Variants in SHROOM3 observed in about 807,000 individuals in gnomAD.
The protein encoded by SHROOM3 is protein Shroom3.
In SHROOM3, 47 loss-of-function variants were observed where a neutral mutation model predicts 138.6. The ratio of observed to expected loss-of-function variants is 0.34; its 90% confidence interval spans 0.27 to 0.43. SHROOM3 has a LOEUF of 0.43. Among genes scored for constraint, SHROOM3 ranks in the 20% least tolerant of loss-of-function variants. The probability of loss-of-function intolerance (pLI) is 1.00; values close to 1 mark genes in which losing one functional copy is unlikely to be tolerated. For missense variants in SHROOM3, 2,491 were observed against 2,596.5 expected, an observed-to-expected ratio of 0.96 and a Z score of 0.88; for synonymous variants, 1,062 against 1,063.3, an observed-to-expected ratio of 1.00 and a Z score of 0.02.
At chr4:76,670,745 G>A (rs1006112437) in intron 2 of SHROOM3, among the ~76,000 whole-genome samples, 1 of 152,096 alleles carries the variant, frequency 6.6e-6, no homozygotes, top group Non-Finnish European at 1.5e-5. Context: ...CTTGAGCTCA[G>A]GAACTTAGAC....
chr4:76,515,981 T>C (rs185122800), intron 1 of SHROOM3, among the ~76,000 whole-genome samples: 5 of 152,222 alleles, frequency 3.3e-5, no homozygotes, highest in Admixed American at 3.3e-4. Flanking sequence ...GCATGGGAAA[T>C]GATTACATGG....
chr4:76,459,602 C>G (rs541588441), intron 1 of SHROOM3, among the ~76,000 whole-genome samples: 2 of 152,096 alleles, frequency 1.3e-5, no homozygotes, highest in Admixed American at 1.3e-4. Flanking sequence ...TCTCGCACAG[C>G]CAGATATGGC....
At chr4:76,451,000 G>A (rs1393078068) in intron 1 of SHROOM3, among the ~76,000 whole-genome samples, 1 of 151,902 alleles carries the variant, frequency 6.6e-6, no homozygotes, top group African/African-American at 2.4e-5. Flanking sequence ...GCACAGGCTG[G>A]AGTGAAGTGG....
intron 1 of SHROOM3, chr4:76,509,473 C>T (rs1732286820): frequency 6.6e-6 from 1 of 152,228 alleles, no homozygotes; most frequent in Admixed American, 6.5e-5. Context: ...ACCTTGCCCT[C>T]CAATTATGAT....
intron 2 of SHROOM3, among the ~76,000 whole-genome samples, chr4:76,646,364 G>A (rs1295412925): frequency 1.3e-5 from 2 of 151,142 alleles, no homozygotes; most frequent in African/African-American, 2.4e-5. Flanking sequence ...AGAAAACATC[G>A]AATAGTTTTT....
At position 76,741,410 on chromosome 4, in the gene SHROOM3, G is replaced by A. The variant is rs1355564427; in HGVS notation, c.3237G>A (p.Lys1079=). Residue 1079 remains lysine (K), a synonymous_variant, in exon 5 of 11, where the codon AAG becomes AAA. Coordinates refer to ENST00000296043, the MANE Select transcript of SHROOM3 (RefSeq NM_020859.4). This position sits in a 1 kb window ranked among gnomAD's most constrained non-coding sequence, Gnocchi z 6.2. ...STLSLSGPEL[K]QFQQSALADY... ...TCAGCCTGTCGGGGCCCGAGCTGAA[G>A]CAGTTCCAGCAGAGCGCCCTGGCGG... The A allele has an allele frequency of 1.3e-6, 2 of 1,598,858 alleles. No homozygotes were observed. The highest frequency in any genetic ancestry group is 8.5e-7 in the Non-Finnish European group (1 of 1,173,828).
intron 1 of SHROOM3, among the ~76,000 whole-genome samples, chr4:76,478,663 AC>A (rs1262305054): frequency 1.3e-5 from 2 of 151,866 alleles, no homozygotes; most frequent in Non-Finnish European, 2.9e-5. Flanking sequence ...TGGGTTCATG[AC>A]CCCCTTGCCT....
intron 3 of SHROOM3, among the ~76,000 whole-genome samples, chr4:76,710,660 T>C (rs1720203317): frequency 6.6e-6 from 1 of 152,186 alleles, no homozygotes; most frequent in Non-Finnish European, 1.5e-5. Flanking sequence ...TGTGCCAAAT[T>C]GTACAGCAAG....
chr4:76,612,160 G>A (rs1734777691), intron 2 of SHROOM3, among the ~76,000 whole-genome samples: 1 of 152,052 alleles, frequency 6.6e-6, no homozygotes, highest in South Asian at 2.1e-4. Context: ...TCCACATATG[G>A]CAGTATCCAG....
chr4:76,657,321 A>C (rs1736086785), intron 2 of SHROOM3, among the ~76,000 whole-genome samples: 1 of 152,180 alleles, frequency 6.6e-6, no homozygotes, highest in Non-Finnish European at 1.5e-5. Context: ...TCTAAGTATC[A>C]ACGTATTTTC....
At chr4:76,731,206 A>G (rs1320338818) in intron 4 of SHROOM3, among the ~76,000 whole-genome samples, 1 of 152,094 alleles carries the variant, frequency 6.6e-6, no homozygotes, top group Non-Finnish European at 1.5e-5. Flanking sequence ...ATTCTCAGAC[A>G]TTTCTCCACT....
intron 2 of SHROOM3, among the ~76,000 whole-genome samples, chr4:76,590,405 C>T (rs1220610900): frequency 6.6e-6 from 1 of 152,104 alleles, no homozygotes; most frequent in African/African-American, 2.4e-5. Context: ...AATGGTATGC[C>T]TGAGTGGAGG....
intron 2 of SHROOM3, among the ~76,000 whole-genome samples, chr4:76,677,392 C>T (rs1461860751): frequency 3.3e-5 from 5 of 152,116 alleles, no homozygotes; most frequent in Admixed American, 2.6e-4. Flanking sequence ...ACTGTTGGAC[C>T]TTGGGAAGTT....
intron 1 of SHROOM3, among the ~76,000 whole-genome samples, chr4:76,512,184 A>G (rs1374980272): frequency 2.0e-5 from 3 of 152,188 alleles, no homozygotes. Flanking sequence ...TGTAGACTAG[A>G]AGGAAATTGA....
At chr4:76,634,813 G>C (rs1029148814) in intron 2 of SHROOM3, among the ~76,000 whole-genome samples, 4 of 152,164 alleles carry the variant, frequency 2.6e-5, no homozygotes, top group Admixed American at 1.3e-4. Context: ...GTGTGACTTA[G>C]AGGAAGAAGG....
intron 2 of SHROOM3, among the ~76,000 whole-genome samples, chr4:76,556,460 AT>A (rs1348793961): frequency 6.6e-6 from 1 of 152,196 alleles, no homozygotes; most frequent in Non-Finnish European, 1.5e-5. Flanking sequence ...CACTATCCCC[AT>A]TTTACAGGCA....
In SHROOM3 at chr4:76,679,031, G is replaced by T. The variant is rs373874144; in HGVS notation, c.324-31125G>T. 2.6e-5 allele frequency among the ~76,000 whole-genome samples: 4 copies of T among 152,286 alleles called. No individual in the cohort carries two copies. In the East Asian group the frequency reaches 5.8e-4, roughly 22 times the overall value. On this transcript the variant is annotated intron_variant, in intron 2 of 10. Transcript: ENST00000296043. Reference sequence around the variant, plus strand: ...TTTTATTGTTATGAAGAAATCGTTGGTGTATTTGATGATTCTCTTGGTCAG... The same window carrying T: ...TTTTATTGTTATGAAGAAATCGTTGTTGTATTTGATGATTCTCTTGGTCAG...
chr4:76,759,245 AT>A (rs1721918331), intron 8 of SHROOM3, among the ~76,000 whole-genome samples: 2 of 152,208 alleles, frequency 1.3e-5, no homozygotes, highest in Admixed American at 1.3e-4. Flanking sequence ...TCGTTCTTAT[AT>A]GAATCACAAA....
At chr4:76,640,752 A>T (rs1244460361) in intron 2 of SHROOM3, among the ~76,000 whole-genome samples, 1 of 152,202 alleles carries the variant, frequency 6.6e-6, no homozygotes, top group Admixed American at 6.5e-5. Context: ...CAAAAGCCGG[A>T]TGATCTCACT....
Sources: allele counts gnomAD v4.1 joint callset (sites outside exome capture counted in the v4.1 genomes callset), GRCh38; gene constraint gnomAD v4.1.1; non-coding constraint Gnocchi (gnomAD v3.1); transcripts MANE v1.5; gene names NCBI Gene and HGNC (gene_info 2026-07-23, HGNC 2026-07-21).